Variants in FRMD4B observed in about 807,000 individuals in gnomAD.
FRMD4B encodes FERM domain containing 4B.
FRMD4B carries 74 observed loss-of-function variants against 141.5 expected under a neutral mutation model. The ratio of observed to expected loss-of-function variants is 0.52; its 90% confidence interval spans 0.43 to 0.63. The LOEUF is 0.63. FRMD4B is among the 30% of genes least tolerant of loss of function. The pLI is 0.00. For synonymous variants in FRMD4B, 506 were observed against 467.9 expected (o/e 1.08, Z -1.05); for missense variants, 1,366 against 1,253.4 (o/e 1.09, Z -1.36).
intron 2 of FRMD4B, among the ~76,000 whole-genome samples, chr3:69,417,748 G>A (rs57236741): frequency 0.01 from 1,598 of 152,270 alleles, 17 homozygotes; most frequent in African/African-American, 0.034. Flanking sequence ...TAAAATGGCC[G>A]AAATTTATCT....
At chr3:69,315,290 T>G (rs1386903187) in intron 1 of FRMD4B, among the ~76,000 whole-genome samples, 1 of 152,214 alleles carries the variant, frequency 6.6e-6, no homozygotes, top group Non-Finnish European at 1.5e-5. Flanking sequence ...CAAACCATTT[T>G]ATCTGCAGAA....
At chr3:69,484,581 A>T (rs961342825) in intron 1 of FRMD4B, among the ~76,000 whole-genome samples, 1 of 152,102 alleles carries the variant, frequency 6.6e-6, no homozygotes, top group Non-Finnish European at 1.5e-5. Context: ...CATCCCATCA[A>T]GTGTTCAGCT....
At chr3:69,177,932 G>A (rs1047559386) in intron 21 of FRMD4B, among the ~76,000 whole-genome samples, 1 of 152,094 alleles carries the variant, frequency 6.6e-6, no homozygotes, top group Non-Finnish European at 1.5e-5. Flanking sequence ...GGTGTGGATT[G>A]GGGGAAGAGG....
At chr3:69,184,100 T>TG (rs2092739996) in intron 19 of FRMD4B, among the ~76,000 whole-genome samples, 1 of 151,796 alleles carries the variant, frequency 6.6e-6, no homozygotes, top group African/African-American at 2.4e-5. Context: ...TTAGTAGAGA[T>TG]GGGGTTTCAC....
chr3:69,403,814 C>T (rs9818557), intron 2 of FRMD4B, among the ~76,000 whole-genome samples: 46,319 of 151,984 alleles, frequency 0.3, 7,719 homozygotes, highest in Admixed American at 0.38. Context: ...GTACCCCACT[C>T]CCCCCACCTC....
chr3:69,514,946 C>T (rs2315309), intron 1 of FRMD4B, among the ~76,000 whole-genome samples: 83,446 of 151,914 alleles, frequency 0.55, 23,494 homozygotes, highest in African/African-American at 0.69. Context: ...AAGACTCATA[C>T]TTCCTGATTT....
intron 1 of FRMD4B, among the ~76,000 whole-genome samples, chr3:69,374,854 T>C (rs1013646492): frequency 7.2e-5 from 11 of 152,128 alleles, no homozygotes; most frequent in Non-Finnish European, 1.5e-4. Flanking sequence ...ATCTGGGTGG[T>C]GAGAGGAATG....
In FRMD4B at chr3:69,195,274, A is replaced by G. The variant is rs1247964474; in HGVS notation, c.1325T>C (p.Leu442Pro). 6.5e-5 allele frequency: 105 copies of G among 1,613,110 alleles called. No individual in the cohort carries two copies. Among genetic ancestry groups the G allele is most frequent in the Non-Finnish European group, 8.6e-5 (102 of 1,179,692 alleles). Residue 442 changes from leucine to proline, a missense_variant, in exon 15 of 23, where the codon CTG becomes CCG. Transcript: ENST00000398540. ...CTTCTTAAGCTCCTCAACTTTTTTCAGAAGTTTTTCTTGTAATAGTTTCTC... is the reference window on the plus strand; with the variant it reads ...CTTCTTAAGCTCCTCAACTTTTTTCGGAAGTTTTTCTTGTAATAGTTTCTC... ...KKEKLLQEKL[L>P]KKVEELKKIC... is the part of the protein sequence containing the mutation.
At chr3:69,321,295 C>T (rs923744549) in intron 1 of FRMD4B, among the ~76,000 whole-genome samples, 2 of 152,212 alleles carry the variant, frequency 1.3e-5, no homozygotes, top group Non-Finnish European at 2.9e-5. Flanking sequence ...TTCGGCTTTG[C>T]TTTAGTTGTT....
Position 69,171,666 on chromosome 3 carries a change from G to A in FRMD4B, c.*195C>T, listed in dbSNP as rs563334628. ...TTACGTTAGTGCCTAGAGTTTGAAA[G>A]GCCAAATCCTCCTTTAGGGGCTTTG... On this transcript the variant is annotated 3_prime_UTR_variant, in exon 23 of 23. Coordinates refer to ENST00000398540, the MANE Select transcript of FRMD4B (RefSeq NM_015123.3). 7.1e-6 allele frequency: 4 copies of A among 563,866 alleles called. No homozygotes were observed. In the Admixed American group the frequency reaches 1.2e-4, roughly 17 times the overall value. 34.9% of individuals were successfully genotyped at this position (563,866 alleles called of 1,614,324 possible). A position where few individuals can be genotyped will look rare whatever the true frequency, so the allele number is the denominator to read the frequency against.
intron 1 of FRMD4B, among the ~76,000 whole-genome samples, chr3:69,468,004 G>A (rs1427332626): frequency 6.6e-6 from 1 of 152,218 alleles, no homozygotes; most frequent in Non-Finnish European, 1.5e-5. Context: ...AAATTCTTCT[G>A]TTGGTGTAAG....
chr3:69,533,806 A>G (rs1701039614), intron 1 of FRMD4B, among the ~76,000 whole-genome samples: 1 of 152,188 alleles, frequency 6.6e-6, no homozygotes, highest in Admixed American at 6.5e-5. Flanking sequence ...AACTCCAGAC[A>G]GATCACCATA....
chr3:69,382,731 T>C (rs894795038), intron 1 of FRMD4B, among the ~76,000 whole-genome samples: 1 of 134,242 alleles, frequency 7.4e-6, no homozygotes, highest in Non-Finnish European at 1.5e-5. Context: ...CTGGGACTTT[T>C]TTTTTTTTTT....
chr3:69,325,906 T>C (rs9876410), intron 1 of FRMD4B, among the ~76,000 whole-genome samples: 26,916 of 151,978 alleles, frequency 0.18, 2,745 homozygotes, highest in African/African-American at 0.27. Flanking sequence ...TCTCCAGAAA[T>C]GGTTATTTTA....
At chr3:69,439,837 A>C (rs1316755164) in intron 1 of FRMD4B, among the ~76,000 whole-genome samples, 2 of 152,196 alleles carry the variant, frequency 1.3e-5, no homozygotes, top group Non-Finnish European at 1.5e-5. Context: ...TTTTATTAGC[A>C]CTGTGGAAAA....
intron 1 of FRMD4B, among the ~76,000 whole-genome samples, chr3:69,340,442 G>C (rs2107373723): frequency 6.6e-6 from 1 of 152,252 alleles, no homozygotes; most frequent in African/African-American, 2.4e-5. Flanking sequence ...AATTTGCTAA[G>C]GATAATGGCC....
At chr3:69,456,759 C>A (rs942603330) in intron 1 of FRMD4B, among the ~76,000 whole-genome samples, 5 of 149,704 alleles carry the variant, frequency 3.3e-5, no homozygotes, top group Admixed American at 2.7e-4. Flanking sequence ...AAGCATATGT[C>A]TGTACATTAT....
At chr3:69,389,032 C>CTTTT (rs34005688), upstream of FRMD4B, among the ~76,000 whole-genome samples, 1 of 108,782 alleles carries the variant, frequency 9.2e-6, no homozygotes, top group African/African-American at 3.3e-5. Context: ...TCTTAGTCTA[C>CTTTT]TTTTTTTTTT....
In FRMD4B at chr3:69,228,645, G is replaced by A. The variant is rs572597075; in HGVS notation, c.582-3955C>T. On this transcript the variant is annotated intron_variant, in intron 7 of 22. Coordinates refer to ENST00000398540, the MANE Select transcript of FRMD4B (RefSeq NM_015123.3). Reference sequence around the variant, plus strand: ...AGCCCAGGAGTTGGAGACCGACCTGGGCAACACAGTGAGACCTTGTTTCTA... The same window carrying A: ...AGCCCAGGAGTTGGAGACCGACCTGAGCAACACAGTGAGACCTTGTTTCTA... The A allele has an allele frequency of 2.7e-3, 945 of 355,760 alleles. 3 individuals are homozygous for A. Among genetic ancestry groups the A allele is most frequent in the Non-Finnish European group, 3.8e-3 (692 of 180,868 alleles). The allele number at this position is 355,760 out of a possible 1,614,324, so 22.0% of individuals were successfully genotyped here. A position where few individuals can be genotyped will look rare whatever the true frequency, so the allele number is the denominator to read the frequency against.
Sources: allele counts gnomAD v4.1 joint callset (sites outside exome capture counted in the v4.1 genomes callset), GRCh38; gene constraint gnomAD v4.1.1; transcripts MANE v1.5; gene names NCBI Gene and HGNC (gene_info 2026-07-23, HGNC 2026-07-21).